ADGRB3: variants seen among roughly 807,000 people sequenced by gnomAD.
The protein encoded by ADGRB3 is adhesion G protein-coupled receptor B3.
ADGRB3 carries 37 observed loss-of-function variants against 193.4 expected under a neutral mutation model. The ratio of observed to expected loss-of-function variants is 0.19; its 90% CI spans 0.15 to 0.25. The LOEUF is 0.25. ADGRB3 is among the 10% of genes least tolerant of loss of function. ADGRB3 has a pLI of 1.00. For synonymous variants in ADGRB3, 690 were observed against 644.2 expected, an observed-to-expected ratio of 1.07 and a Z score of -1.08; for missense variants, 1,637 against 1,852.9, an observed-to-expected ratio of 0.88 and a Z score of 2.14.
At chr6:69,175,598 C>T (rs560577745) in intron 17 of ADGRB3, among the ~76,000 whole-genome samples, 2 of 152,080 alleles carry the variant, frequency 1.3e-5, no homozygotes, top group East Asian at 3.9e-4. Flanking sequence ...TTTGTTTTTT[C>T]CTTAGGATTG....
At chr6:69,302,731 T>C (rs939010077) in intron 20 of ADGRB3, among the ~76,000 whole-genome samples, 11 of 151,928 alleles carry the variant, frequency 7.2e-5, no homozygotes, top group African/African-American at 2.4e-4. Context: ...TGTGGAAGGA[T>C]TACGCTATTG....
rs1194271584 is a variant in ADGRB3 at position 69,219,674 on chromosome 6, G to C, written c.2481-13616G>C. 2.0e-5 allele frequency among the ~76,000 whole-genome samples: 3 copies of C among 151,348 alleles called. No homozygotes were observed. The East Asian group carries it at 5.8e-4, about 29-fold the overall frequency. ...CAGGTAAATGTGCATGGTGTCCTTG[G>C]TTTTATGACTGAATCAGTAAGCAAA... is the stretch of plus-strand genomic sequence containing the variant. On this transcript the variant is annotated intron_variant, in intron 17 of 31. Transcript: ENST00000370598.
At chr6:69,026,285 C>G (rs1211398759) in intron 13 of ADGRB3, among the ~76,000 whole-genome samples, 7 of 152,224 alleles carry the variant, frequency 4.6e-5, no homozygotes, top group Non-Finnish European at 8.8e-5. Flanking sequence ...GGAGGATGAC[C>G]AGGGAGGGCC....
At chr6:69,082,562 C>A (rs2150314832) in intron 17 of ADGRB3, among the ~76,000 whole-genome samples, 1 of 152,064 alleles carries the variant, frequency 6.6e-6, no homozygotes, top group South Asian at 2.1e-4. Flanking sequence ...ATTTAATTAT[C>A]CATAGAGTTT....
intron 17 of ADGRB3, among the ~76,000 whole-genome samples, chr6:69,226,170 A>G (rs1766010865): frequency 6.6e-6 from 1 of 152,224 alleles, no homozygotes; most frequent in Non-Finnish European, 1.5e-5. Context: ...ACACAAAAGC[A>G]GTGACACTAC....
intron 31 of ADGRB3, among the ~76,000 whole-genome samples, chr6:69,383,337 A>T (rs1769991408): frequency 6.6e-6 from 1 of 152,004 alleles, no homozygotes; most frequent in South Asian, 2.1e-4. Context: ...ACCTGAAACC[A>T]GAGTGATAGA....
At chr6:68,706,749 T>A (rs1765331685) in intron 3 of ADGRB3, among the ~76,000 whole-genome samples, 2 of 152,340 alleles carry the variant, frequency 1.3e-5, no homozygotes, top group Admixed American at 1.3e-4. Context: ...CAGGCATATG[T>A]AATAATTTTT....
At chr6:69,070,091 G>A (rs909057345) in intron 16 of ADGRB3, among the ~76,000 whole-genome samples, 9 of 152,128 alleles carry the variant, frequency 5.9e-5, no homozygotes, top group Non-Finnish European at 1.3e-4. Flanking sequence ...TCAGAGCACT[G>A]GAAATGTTCA....
intron 20 of ADGRB3, among the ~76,000 whole-genome samples, chr6:69,297,834 T>A (rs947238881): frequency 6.6e-6 from 1 of 152,078 alleles, no homozygotes; most frequent in African/African-American, 2.4e-5. Context: ...TCTCTCCAAT[T>A]ACATTTTTAC....
intron 28 of ADGRB3, 44 bp from the exon 29 acceptor site, chr6:69,360,825 C>A: frequency 1.3e-6 from 2 of 1,491,938 alleles, no homozygotes; most frequent in Non-Finnish European, 1.8e-6. Flanking sequence ...GAAAAATAAA[C>A]ACACATTAAC....
At chr6:69,243,234 T>A (rs1354886856) in intron 20 of ADGRB3, among the ~76,000 whole-genome samples, 1 of 151,946 alleles carries the variant, frequency 6.6e-6, no homozygotes, top group African/African-American at 2.4e-5. Context: ...CAAGTCTAAG[T>A]CCAAATTTTA....
intron 13 of ADGRB3, among the ~76,000 whole-genome samples, chr6:69,035,080 G>A (rs1256205810): frequency 1.3e-5 from 2 of 151,916 alleles, no homozygotes; most frequent in South Asian, 2.1e-4. Flanking sequence ...TAATTCCAAT[G>A]ATAAACTCAT....
chr6:69,224,046 A>G lies in ADGRB3; in HGVS notation c.2481-9244A>G, dbSNP rs541773775. The stretch of plus-strand genomic sequence containing the variant: ...AAAAATGGAGAAGTATAAAAATATA[A>G]CAGAGCAAACAATAATACCTATAAT... On this transcript the variant is annotated intron_variant, in intron 17 of 31. Transcript: ENST00000370598. 2.6e-5 allele frequency among the ~76,000 whole-genome samples: 4 copies of G among 152,214 alleles called. No homozygotes were observed. In the South Asian group the frequency reaches 6.2e-4, roughly 24 times the overall value.
chr6:69,240,196 A>G (rs1039914690), intron 20 of ADGRB3, among the ~76,000 whole-genome samples: 60 of 152,138 alleles, frequency 3.9e-4, no homozygotes, highest in African/African-American at 1.4e-3. Flanking sequence ...ATTTCCACCA[A>G]AAGAGCCCAA....
intron 3 of ADGRB3, among the ~76,000 whole-genome samples, chr6:68,880,695 T>G (rs1343171907): frequency 1.3e-5 from 2 of 152,200 alleles, no homozygotes; most frequent in African/African-American, 4.8e-5. Context: ...ACTTTGCAAT[T>G]CAAATGAAAG....
Position 68,835,604 on chromosome 6 carries a change from A to G in ADGRB3, c.758-94955A>G, listed in dbSNP as rs181304644. ...TTTTTACCCTGACTCTTCCAGCTCA[A>G]ATTTCATCTCTTGTGTTTTCCTTTT... On this transcript the variant is annotated intron_variant, in intron 3 of 31. Transcript: ENST00000370598. 8.6e-3 allele frequency among the ~76,000 whole-genome samples: 1,312 copies of G among 152,064 alleles called. 28 individuals carry two copies. The highest frequency in any genetic ancestry group is 0.049 in the Admixed American group (752 of 15,270).
intron 11 of ADGRB3, among the ~76,000 whole-genome samples, chr6:69,007,474 C>T (rs888076930): frequency 7.9e-5 from 12 of 151,976 alleles, no homozygotes; most frequent in Middle Eastern, 3.2e-3. Flanking sequence ...ACTCTAGTTA[C>T]GTTATCTTTC....
At chr6:68,954,025 A>G (rs1348582391) in intron 6 of ADGRB3, among the ~76,000 whole-genome samples, 1 of 152,194 alleles carries the variant, frequency 6.6e-6, no homozygotes, top group Non-Finnish European at 1.5e-5. Context: ...TCTAGAAAGT[A>G]TTTTTGGTTA....
In ADGRB3 at chr6:69,300,201, G is replaced by A. The variant is rs185400487; in HGVS notation, c.2815-24671G>A. Among the ~76,000 whole-genome samples, 283 of 151,802 alleles carry A rather than the reference G, an allele frequency of 1.9e-3. 1 individual carries two copies. The highest frequency in any genetic ancestry group is 6.6e-3 in the African/African-American group (273 of 41,480). On this transcript the variant is annotated intron_variant, in intron 20 of 31. Coordinates refer to ENST00000370598, the MANE Select transcript of ADGRB3 (RefSeq NM_001704.3). ...AATAAATGTCATACATCACACAACA[G>A]GATGAATAACAAAAACTATATGATC...
Sources: gnomAD v4.1 joint callset for allele counts (sites outside exome capture counted in the v4.1 genomes callset) on GRCh38, gnomAD v4.1.1 for gene constraint, MANE v1.5 for transcripts, NCBI Gene and HGNC (gene_info 2026-07-23, HGNC 2026-07-21) for gene names.